The following SVIL variants were observed in gnomAD, a reference collection of about 807,000 sequenced individuals.
SVIL encodes the protein supervillin, also known as archvillin.
A neutral mutation model predicts 240.4 loss-of-function variants in SVIL; 101 were observed. The observed-to-expected ratio is 0.42, with a 90% CI of 0.36 to 0.50. The LOEUF (loss-of-function observed/expected upper bound fraction) is 0.50. Among genes scored for constraint, SVIL ranks in the 20% least tolerant of loss-of-function variants. The pLI, the probability that SVIL is intolerant of heterozygous loss-of-function variation, is 0.01. For synonymous variants in SVIL, 999 were observed against 1,100.0 expected (o/e 0.91, Z 1.82); for missense variants, 2,512 against 2,818.7 (o/e 0.89, Z 2.46).
chr10:29,597,289 G>C (rs1398377135), intron 1 of SVIL, among the ~76,000 whole-genome samples: 1 of 152,200 alleles, frequency 6.6e-6, no homozygotes, highest in Admixed American at 6.5e-5. Context: ...AGCCCGCCCT[G>C]AGGGAAGAAT....
At chr10:29,488,545 G>A (rs1294105889) in intron 23 of SVIL, 56 bp downstream of exon 23, 3 of 1,485,652 alleles carry the variant, frequency 2.0e-6, no homozygotes, top group East Asian at 2.5e-5. Context: ...GACTCCGTAT[G>A]GGACCAGACA....
At position 29,523,574 on chromosome 10, in the gene SVIL, C is replaced by T; in HGVS notation, c.3040G>A (p.Glu1014Lys). The change falls in exon 15 of 38, where the codon GAA (glutamate) becomes AAA (lysine). Residue 1014 changes from glutamate to lysine, a missense_variant. Physicochemically the swap from Glu to Lys is moderately conservative, Grantham distance 56 (BLOSUM62 1). This residue lies in a region of SVIL where 1,443 missense variants were observed against 1,486.6 expected (regional missense o/e 0.97). Coordinates refer to ENST00000355867, the MANE Select transcript of SVIL (RefSeq NM_021738.3). ...ANPPITHLGD[E>K]PKEFSMAKMN... is the part of the protein sequence containing the mutation. ...TTAGCCATGGAAAATTCCTTCGGTT[C>T]ATCCCCGAGGTGGGTGATGGGAGGG... The T allele has an allele frequency of 6.2e-7, 1 of 1,614,184 alleles. No individual in the cohort carries two copies.
chr10:29,679,895 A>T (rs987574314), intron 2 of SVIL, among the ~76,000 whole-genome samples: 2 of 151,800 alleles, frequency 1.3e-5, no homozygotes, highest in Admixed American at 1.3e-4. Flanking sequence ...AAAAAAAAAA[A>T]GTCCAGGTCA....
At chr10:29,522,969 C>T (rs1419892567) in intron 15 of SVIL, among the ~76,000 whole-genome samples, 4 of 152,290 alleles carry the variant, frequency 2.6e-5, no homozygotes, top group Non-Finnish European at 5.9e-5. Flanking sequence ...CAAACGCAAA[C>T]CCCTATTATA....
intron 1 of SVIL, among the ~76,000 whole-genome samples, chr10:29,694,296 C>T (rs886365042): frequency 1.3e-5 from 2 of 151,032 alleles, no homozygotes; most frequent in Admixed American, 6.6e-5. Flanking sequence ...GCCTATAGTC[C>T]AAGCTGAAGC....
intron 1 of SVIL, among the ~76,000 whole-genome samples, chr10:29,704,462 A>G (rs1443092311): frequency 6.6e-6 from 1 of 151,958 alleles, no homozygotes; most frequent in Non-Finnish European, 1.5e-5. Context: ...GGCTCTCACT[A>G]CATTGCCCAG....
chr10:29,627,443 C>T (rs561320647), intron 1 of SVIL, among the ~76,000 whole-genome samples: 1 of 152,294 alleles, frequency 6.6e-6, no homozygotes, highest in South Asian at 2.1e-4. Context: ...AATGTTCCTC[C>T]TTCTTTCTCT....
chr10:29,512,730 G>A lies in SVIL; in HGVS notation c.3516+5C>T, dbSNP rs56817459. ...GAAGGCTTTTCCTAACATGGGGAAT[G>A]TTACCTTCTTGATGAGGGACCGCCC... is the stretch of plus-strand genomic sequence containing the variant. On this transcript the variant is annotated splice_donor_5th_base_variant and intron_variant, in intron 17 of 37. Coordinates refer to ENST00000355867, the MANE Select transcript of SVIL (RefSeq NM_021738.3). 165,609 of 1,613,990 alleles carry A rather than the reference G, an allele frequency of 0.1. 12,138 individuals carry two copies. Among genetic ancestry groups the A allele is most frequent in the African/African-American group, 0.37 (27,522 of 74,978 alleles).
At chr10:29,481,193 G>T (rs1167482141) in intron 28 of SVIL, among the ~76,000 whole-genome samples, 5 of 142,862 alleles carry the variant, frequency 3.5e-5, no homozygotes, top group Non-Finnish European at 6.1e-5. Flanking sequence ...TGTGTCCATG[G>T]TTTTTTTTTT....
chr10:29,681,758 A>G (rs1960671380), intron 2 of SVIL, among the ~76,000 whole-genome samples: 1 of 152,228 alleles, frequency 6.6e-6, no homozygotes, highest in African/African-American at 2.4e-5. Flanking sequence ...TCCCACCAGC[A>G]GGACTTCCTC....
At chr10:29,529,503 C>A (rs891502066) in intron 12 of SVIL, among the ~76,000 whole-genome samples, 1 of 152,104 alleles carries the variant, frequency 6.6e-6, no homozygotes, top group East Asian at 1.9e-4. Context: ...AACAAAAACT[C>A]CTTTCAAGTT....
intron 3 of SVIL, chr10:29,657,815 A>G (rs931882894): frequency 1.3e-5 from 2 of 152,208 alleles, no homozygotes; most frequent in Non-Finnish European, 2.9e-5. Flanking sequence ...ACCGCATCAC[A>G]GAGGCCGCTT....
chr10:29,723,561 A>T (rs945916491), intron 1 of SVIL, among the ~76,000 whole-genome samples: 3 of 152,140 alleles, frequency 2.0e-5, no homozygotes, highest in East Asian at 1.9e-4. Flanking sequence ...GAATAATAAT[A>T]ATTATTATTA....
At chr10:29,516,455 G>A (rs1031901613) in intron 16 of SVIL, among the ~76,000 whole-genome samples, 1 of 152,320 alleles carries the variant, frequency 6.6e-6, no homozygotes, top group African/African-American at 2.4e-5. Flanking sequence ...ACGCTGAGGA[G>A]GGAGGGAGAT....
At chr10:29,590,054 C>A (rs375315419) in intron 1 of SVIL, among the ~76,000 whole-genome samples, 5 of 149,950 alleles carry the variant, frequency 3.3e-5, no homozygotes, top group African/African-American at 1.2e-4. Context: ...GTAATCCCAG[C>A]TACTCAGGAG....
intron 1 of SVIL, among the ~76,000 whole-genome samples, chr10:29,590,165 CAAAAAAAAAAAA>C (rs58469441): frequency 0.045 from 3,549 of 79,722 alleles, 141 homozygotes; most frequent in Admixed American, 0.13. Context: ...GACTCCGTCT[CAAAAAAAAAAAA>C]AAAAAAAAAA....
At chr10:29,716,189 T>A (rs987097709) in intron 1 of SVIL, among the ~76,000 whole-genome samples, 4 of 145,536 alleles carry the variant, frequency 2.7e-5, no homozygotes, top group Non-Finnish European at 6.0e-5. Context: ...TGTGTTCATA[T>A]GAATATTTTA....
At chr10:29,594,343 CA>C (rs1190623157) in intron 1 of SVIL, among the ~76,000 whole-genome samples, 2 of 151,868 alleles carry the variant, frequency 1.3e-5, no homozygotes, top group Non-Finnish European at 2.9e-5. Context: ...TATAATAATA[CA>C]TATTATCATT....
At chr10:29,462,815 A>C (rs1476408204) in intron 35 of SVIL, among the ~76,000 whole-genome samples, 1 of 152,188 alleles carries the variant, frequency 6.6e-6, no homozygotes, top group Non-Finnish European at 1.5e-5. Flanking sequence ...TCACTATAAC[A>C]TTGAGTGGAA....
Sources: allele counts gnomAD v4.1 joint callset (sites outside exome capture counted in the v4.1 genomes callset), GRCh38; gene constraint gnomAD v4.1.1; regional missense constraint gnomAD v4.1.1; transcripts MANE v1.5; gene names NCBI Gene and HGNC (gene_info 2026-07-23, HGNC 2026-07-21).